The following KIF13B variants were observed in gnomAD, a reference collection of about 807,000 sequenced individuals.
KIF13B encodes kinesin family member 13B, also known as kinesin-like protein KIF13B.
Under a neutral mutation model 222.0 loss-of-function variants are expected in KIF13B, and 127 were observed. That is an observed-to-expected ratio of 0.57 (90% CI 0.50 to 0.66). The LOEUF (loss-of-function observed/expected upper bound fraction) is 0.66. Among genes scored for constraint, KIF13B ranks in the 30% least tolerant of loss-of-function variants. KIF13B has a pLI of 0.00. For missense variants in KIF13B, 2,173 were observed against 2,379.0 expected (o/e 0.91, Z 1.80); for synonymous variants, 976 against 919.0 (o/e 1.06, Z -1.12).
chr8:29,153,572 C>T (rs1811391587), intron 14 of KIF13B, among the ~76,000 whole-genome samples: 1 of 151,972 alleles, frequency 6.6e-6, no homozygotes, highest in Admixed American at 6.6e-5. Context: ...CATCATGCCC[C>T]TCTCCTGCTG....
At chr8:29,211,441 C>CAGACCA (rs145594267) in intron 2 of KIF13B, among the ~76,000 whole-genome samples, 125,455 of 152,064 alleles carry the variant, frequency 0.83, 52,473 homozygotes, top group Non-Finnish European at 0.88. Context: ...AGATACTTTC[C>CAGACCA]TGGCCCAGGC....
chr8:29,261,692 C>T (rs2117192821), intron 1 of KIF13B, among the ~76,000 whole-genome samples: 1 of 152,224 alleles, frequency 6.6e-6, no homozygotes, highest in Admixed American at 6.5e-5. Context: ...CAAAGCAGGA[C>T]TCAATCTTGC....
chr8:29,148,400 GTTTTT>G (rs5890440), intron 16 of KIF13B, among the ~76,000 whole-genome samples, 172 bp downstream of exon 16: 1 of 146,044 alleles, frequency 6.8e-6, no homozygotes, highest in Non-Finnish European at 1.5e-5. Flanking sequence ...ACACTCTACC[GTTTTT>G]TTTTTTTTAA....
At chr8:29,166,448 C>A (rs553625455) in intron 11 of KIF13B, among the ~76,000 whole-genome samples, 106 of 152,260 alleles carry the variant, frequency 7.0e-4, no homozygotes, top group African/African-American at 2.5e-3. Flanking sequence ...CCTGTAATCC[C>A]AGCACTTTGG....
chr8:29,079,058 AGAAG>A (rs1294715528), intron 37 of KIF13B, among the ~76,000 whole-genome samples: 1 of 152,200 alleles, frequency 6.6e-6, no homozygotes, highest in Non-Finnish European at 1.5e-5. Context: ...CCCTCTGCCA[AGAAG>A]AATAAAATTA....
At chr8:29,194,748 G>A (rs937543760) in intron 3 of KIF13B, among the ~76,000 whole-genome samples, 9 of 152,104 alleles carry the variant, frequency 5.9e-5, no homozygotes, top group Non-Finnish European at 1.2e-4. Context: ...GAATAACATA[G>A]AAGCATAAAG....
intron 5 of KIF13B, among the ~76,000 whole-genome samples, chr8:29,187,282 C>T (rs1812978226): frequency 6.6e-6 from 1 of 152,232 alleles, no homozygotes; most frequent in Non-Finnish European, 1.5e-5. Context: ...AATCTCAGCA[C>T]TTTGGGAGGC....
intron 2 of KIF13B, among the ~76,000 whole-genome samples, chr8:29,201,426 G>T (rs1420126701): frequency 6.6e-6 from 1 of 152,126 alleles, no homozygotes; most frequent in African/African-American, 2.4e-5. Context: ...ATACGAAGAA[G>T]AAATTTTATA....
At chr8:29,090,502 TGTAA>T (rs1040624710) in intron 37 of KIF13B, among the ~76,000 whole-genome samples, 83 of 152,098 alleles carry the variant, frequency 5.5e-4, no homozygotes, top group Middle Eastern at 3.4e-3. Context: ...AGCCTGGAGA[TGTAA>T]GTGTTTCCAG....
intron 2 of KIF13B, among the ~76,000 whole-genome samples, chr8:29,203,348 C>T (rs1275511849): frequency 6.6e-6 from 1 of 152,174 alleles, no homozygotes; most frequent in Non-Finnish European, 1.5e-5. Flanking sequence ...AGGCTAACTC[C>T]TATTCATTTA....
intron 32 of KIF13B, chr8:29,110,744 A>T (rs548682153): frequency 6.6e-6 from 1 of 152,358 alleles, no homozygotes; most frequent in Admixed American, 6.5e-5. Context: ...TGTGCATACA[A>T]ATGGGAGGTG....
At chr8:29,202,668 ATG>A (rs1312910817) in intron 2 of KIF13B, among the ~76,000 whole-genome samples, 1 of 152,224 alleles carries the variant, frequency 6.6e-6, no homozygotes. Context: ...TAGCAGTGGA[ATG>A]TCTAAGCGGA....
intron 2 of KIF13B, among the ~76,000 whole-genome samples, chr8:29,228,010 CT>C (rs1012336621): frequency 1.2e-4 from 18 of 151,240 alleles, no homozygotes; most frequent in Admixed American, 3.9e-4. Context: ...CCTTTCTTTC[CT>C]GATCAACACT....
At chr8:29,126,953 T>A (rs17454881) in intron 25 of KIF13B, among the ~76,000 whole-genome samples, 169 bp downstream of exon 25, 2,842 of 152,018 alleles carry the variant, frequency 0.019, 39 homozygotes, top group Non-Finnish European at 0.029. Context: ...AGTAATACAG[T>A]CCGATGCAGT....
intron 37 of KIF13B, among the ~76,000 whole-genome samples, chr8:29,085,702 C>CTTT (rs1808013875): frequency 1.2e-5 from 1 of 85,938 alleles, no homozygotes. Flanking sequence ...CAGAAATACT[C>CTTT]TTCTTTTTTT....
chr8:29,126,663 G>A (rs1810124143), intron 25 of KIF13B, among the ~76,000 whole-genome samples, 152 bp from the exon 26 acceptor site: 2 of 152,086 alleles, frequency 1.3e-5, no homozygotes, highest in African/African-American at 4.8e-5. Context: ...CCTCACTCTG[G>A]GTTTTACAGT....
intron 1 of KIF13B, among the ~76,000 whole-genome samples, chr8:29,251,356 C>T (rs1034655939): frequency 1.8e-4 from 28 of 152,330 alleles, no homozygotes; most frequent in African/African-American, 5.3e-4. Flanking sequence ...GTGTTCACAG[C>T]AGCAGCTAAA....
chr8:29,098,092 A>G (rs1034417058), intron 36 of KIF13B, among the ~76,000 whole-genome samples: 2 of 146,992 alleles, frequency 1.4e-5, no homozygotes, highest in African/African-American at 5.1e-5. Flanking sequence ...AATCACTTGA[A>G]CCCAGGAGGC....
At chr8:29,228,472 A>AAAAAAAAAAAAAAAAAAATATAT in intron 2 of KIF13B, among the ~76,000 whole-genome samples, 1 of 117,082 alleles carries the variant, frequency 8.5e-6, no homozygotes, top group Non-Finnish European at 1.8e-5. Flanking sequence ...ATCTTAAAAA[A>AAAAAAAAAAAAAAAAAAATATAT]ATATATATAT....
Sources: gnomAD v4.1 joint callset for allele counts (sites outside exome capture counted in the v4.1 genomes callset) on GRCh38, gnomAD v4.1.1 for gene constraint, MANE v1.5 for transcripts, NCBI Gene and HGNC (gene_info 2026-07-23, HGNC 2026-07-21) for gene names.